The following ADAMTS12 variants were observed in gnomAD, a reference collection of about 807,000 sequenced individuals.
ADAMTS12 encodes the protein A disintegrin and metalloproteinase with thrombospondin motifs 12.
Under a neutral mutation model 167.8 loss-of-function variants are expected in ADAMTS12, and 118 were observed. The ratio of observed to expected loss-of-function variants is 0.70; its 90% CI spans 0.61 to 0.82. The LOEUF (loss-of-function observed/expected upper bound fraction) is 0.82, where lower values mean the gene tolerates loss of function less well. Among genes scored for constraint, ADAMTS12 ranks in the 40% least tolerant of loss-of-function variants. ADAMTS12 has a pLI of 0.00. For synonymous variants in ADAMTS12, 704 were observed against 716.9 expected, an observed-to-expected ratio of 0.98 and a Z score of 0.29; for missense variants, 1,916 against 1,998.8, an observed-to-expected ratio of 0.96 and a Z score of 0.79.
intron 3 of ADAMTS12, among the ~76,000 whole-genome samples, chr5:33,722,034 T>G (rs2112336906): frequency 6.6e-6 from 1 of 152,334 alleles, no homozygotes; most frequent in Admixed American, 6.5e-5. Flanking sequence ...TTATTCTGGC[T>G]TCAGTCAACT....
At chr5:33,805,993 T>G (rs78593677) in intron 2 of ADAMTS12, among the ~76,000 whole-genome samples, 1,632 of 152,256 alleles carry the variant, frequency 0.011, 29 homozygotes, top group African/African-American at 0.038. Context: ...TAAACTTTAT[T>G]ATGTTTAGAG....
chr5:33,861,569 G>A lies in ADAMTS12; in HGVS notation c.489+19550C>T, dbSNP rs369292294. On this transcript the variant is annotated intron_variant, in intron 2 of 23. Transcript: ENST00000504830. ...TACAAAGAGACTTAGACTCCCACAC[G>A]ATAACATTGGGAGACTTTAACACCC... is the stretch of plus-strand genomic sequence containing the variant. 5.1e-4 allele frequency among the ~76,000 whole-genome samples: 78 copies of A among 152,084 alleles called. No homozygotes were observed. The East Asian group carries it at 0.014, about 26-fold the overall frequency.
At chr5:33,533,963 A>C (rs190321274) in intron 23 of ADAMTS12, among the ~76,000 whole-genome samples, 45 of 152,210 alleles carry the variant, frequency 3.0e-4, no homozygotes, top group African/African-American at 1.1e-3. Context: ...AGGGCTATCA[A>C]ATTTTTCTTT....
intron 2 of ADAMTS12, among the ~76,000 whole-genome samples, chr5:33,791,920 T>A (rs186422478): frequency 6.6e-6 from 1 of 152,002 alleles, no homozygotes; most frequent in East Asian, 1.9e-4. Flanking sequence ...TGTCTCTTTG[T>A]CCATAGGTCC....
At position 33,576,402 on chromosome 5, in the gene ADAMTS12, G is replaced by A. The variant is rs1478640616; in HGVS notation, c.3624C>T (p.Ser1208=). The part of the protein sequence containing the change: ...PPLTPDLSRE[S]WWPPFSTVME... ...TTACTGTGCTGAAGGGTGGCCACCA[G>A]GACTCCCTGCTGAGATCTGGTGTTA... Residue 1208 remains serine (S), a synonymous_variant, in exon 19 of 24, where the codon TCC becomes TCT. Transcript: ENST00000504830. 6.2e-6 allele frequency: 10 copies of A among 1,613,994 alleles called. No homozygotes were observed. Among genetic ancestry groups the A allele is most frequent in the Non-Finnish European group, 8.5e-6 (10 of 1,179,912 alleles).
chr5:33,828,924 T>A (rs1748195941), intron 2 of ADAMTS12, among the ~76,000 whole-genome samples: 1 of 152,184 alleles, frequency 6.6e-6, no homozygotes, highest in African/African-American at 2.4e-5. Context: ...CCTTGATTTA[T>A]CTTTTCCTAT....
chr5:33,615,258 GTCTC>G (rs891764606), intron 15 of ADAMTS12, among the ~76,000 whole-genome samples: 1 of 152,188 alleles, frequency 6.6e-6, no homozygotes, highest in Non-Finnish European at 1.5e-5. Flanking sequence ...CGAAAAGGAT[GTCTC>G]TCTAACTTTA....
At chr5:33,676,707 C>CACACACACAGAGAG (rs879440613) in intron 5 of ADAMTS12, among the ~76,000 whole-genome samples, 3 of 149,020 alleles carry the variant, frequency 2.0e-5, no homozygotes, top group African/African-American at 7.5e-5. Flanking sequence ...CACACACACA[C>CACACACACAGAGAG]AGAGAGAGAG....
intron 2 of ADAMTS12, among the ~76,000 whole-genome samples, chr5:33,866,090 C>T (rs1254699991): frequency 6.6e-6 from 1 of 152,050 alleles, no homozygotes; most frequent in East Asian, 1.9e-4. Context: ...TCATTTTTCA[C>T]AGAATTAGAA....
chr5:33,828,706 A>T (rs1277228650), intron 2 of ADAMTS12, among the ~76,000 whole-genome samples: 1 of 152,168 alleles, frequency 6.6e-6, no homozygotes, highest in East Asian at 1.9e-4. Flanking sequence ...TTTTTCTAAC[A>T]CCATCTGCTC....
At chr5:33,741,651 T>C (rs952467024) in intron 3 of ADAMTS12, among the ~76,000 whole-genome samples, 2 of 152,064 alleles carry the variant, frequency 1.3e-5, no homozygotes, top group African/African-American at 4.8e-5. Flanking sequence ...TTTTTGGAGA[T>C]GGAGTCTCAC....
intron 5 of ADAMTS12, among the ~76,000 whole-genome samples, chr5:33,662,777 G>A (rs904773981): frequency 2.6e-5 from 4 of 152,202 alleles, no homozygotes; most frequent in African/African-American, 9.6e-5. Context: ...AAAATAGTCA[G>A]CTCTTTAGTG....
rs186792640 is a variant in ADAMTS12, at chr5:33,667,703, T to C, written c.916-5663A>G. 4.0e-3 allele frequency among the ~76,000 whole-genome samples: 607 copies of C among 152,318 alleles called. 1 individual carries two copies. The highest frequency in any genetic ancestry group is 0.014 in the African/African-American group (595 of 41,576). ...AGATAGGTAGATAATTAAATATATA[T>C]GTATCGTCTATCTTCTAAAAATAAG... is the stretch of plus-strand genomic sequence containing the variant. On this transcript the variant is annotated intron_variant, in intron 5 of 23. Coordinates refer to ENST00000504830, the MANE Select transcript of ADAMTS12 (RefSeq NM_030955.4).
chr5:33,833,754 T>C (rs977892700), intron 2 of ADAMTS12, among the ~76,000 whole-genome samples: 30 of 152,314 alleles, frequency 2.0e-4, no homozygotes, highest in African/African-American at 6.7e-4. Context: ...TGAAATCTTC[T>C]GTAGCTAGAA....
At chr5:33,624,411 T>C (rs1182839700) in intron 13 of ADAMTS12, 60 bp from the exon 14 acceptor site, 2 of 1,605,366 alleles carry the variant, frequency 1.2e-6, no homozygotes, top group Non-Finnish European at 8.5e-7. Context: ...CTTGCCTGGA[T>C]CTGTGACTTC....
intron 16 of ADAMTS12, among the ~76,000 whole-genome samples, chr5:33,610,748 C>T (rs994044130): frequency 3.9e-5 from 6 of 152,048 alleles, no homozygotes; most frequent in Non-Finnish European, 7.4e-5. Flanking sequence ...ATTCACGGAA[C>T]GGAATAGTAC....
chr5:33,805,212 T>C (rs1362380578), intron 2 of ADAMTS12, among the ~76,000 whole-genome samples: 1 of 151,970 alleles, frequency 6.6e-6, no homozygotes, highest in Non-Finnish European at 1.5e-5. Context: ...CAGGAGAGGC[T>C]CCCCAAATAC....
chr5:33,574,056 C>A (rs1388519044), intron 19 of ADAMTS12, among the ~76,000 whole-genome samples: 2 of 152,100 alleles, frequency 1.3e-5, no homozygotes, highest in Non-Finnish European at 2.9e-5. Flanking sequence ...GATACCATCT[C>A]ACACCAGTTA....
At chr5:33,545,064 GAACAGGC>G (rs1287353722) in intron 22 of ADAMTS12, among the ~76,000 whole-genome samples, 2 of 152,184 alleles carry the variant, frequency 1.3e-5, no homozygotes, top group Non-Finnish European at 2.9e-5. Context: ...CCATCAGAGT[GAACAGGC>G]AACCTACAGA....
Sources: gnomAD v4.1 joint callset for allele counts (sites outside exome capture counted in the v4.1 genomes callset) on GRCh38, gnomAD v4.1.1 for gene constraint, MANE v1.5 for transcripts, NCBI Gene and HGNC (gene_info 2026-07-23, HGNC 2026-07-21) for gene names.